The following INPP4B variants were observed in gnomAD, a reference collection of about 807,000 sequenced individuals.
The protein encoded by INPP4B is inositol polyphosphate-4-phosphatase type II B.
A neutral mutation model predicts 122.5 loss-of-function variants in INPP4B; 55 were observed. The observed-to-expected ratio is 0.45, with a 90% CI of 0.36 to 0.56. INPP4B has a LOEUF of 0.56. Ranked by LOEUF, INPP4B falls within the 20% of genes least tolerant of loss-of-function variation. INPP4B has a pLI of 0.00. For missense variants in INPP4B, 1,000 were observed against 1,097.7 expected (o/e 0.91, Z 1.26); for synonymous variants, 403 against 388.7 (o/e 1.04, Z -0.43).
intron 2 of INPP4B, among the ~76,000 whole-genome samples, chr4:142,470,535 C>T (rs1818621287): frequency 6.6e-6 from 1 of 152,170 alleles, no homozygotes; most frequent in Non-Finnish European, 1.5e-5. Flanking sequence ...GAGGCATTCT[C>T]ACCATATGTG....
intron 1 of INPP4B, among the ~76,000 whole-genome samples, chr4:142,836,534 C>T (rs76454822): frequency 1.3e-3 from 192 of 152,008 alleles, no homozygotes; most frequent in Non-Finnish European, 2.0e-3. Context: ...GTTGGAAAAA[C>T]GCTTAACTAT....
At chr4:142,175,823 T>C (rs1243224946) in intron 15 of INPP4B, among the ~76,000 whole-genome samples, 6 of 152,118 alleles carry the variant, frequency 3.9e-5, no homozygotes, top group Non-Finnish European at 8.8e-5. Context: ...CACATTATTT[T>C]TGTAAAGAAA....
intron 8 of INPP4B, 167 bp from the exon 9 acceptor site, chr4:142,305,704 T>A (rs531888273): frequency 6.9e-7 from 1 of 1,445,168 alleles, no homozygotes; most frequent in African/African-American, 1.4e-5. Flanking sequence ...ATCTACCTCA[T>A]GGGGTAGGAT....
At chr4:142,597,367 A>G (rs1226937711) in intron 2 of INPP4B, among the ~76,000 whole-genome samples, 3 of 152,308 alleles carry the variant, frequency 2.0e-5, no homozygotes, top group South Asian at 4.1e-4. Context: ...GGGGGTAGGG[A>G]TTAGGTGTTC....
At chr4:142,459,431 G>A (rs981774796) in intron 3 of INPP4B, among the ~76,000 whole-genome samples, 8 of 151,964 alleles carry the variant, frequency 5.3e-5, no homozygotes, top group Non-Finnish European at 1.0e-4. Context: ...AGGAAGAGGA[G>A]TAAGAGTGAA....
At chr4:142,609,376 G>A (rs1447952762) in intron 2 of INPP4B, among the ~76,000 whole-genome samples, 3 of 151,816 alleles carry the variant, frequency 2.0e-5, no homozygotes, top group East Asian at 1.9e-4. Flanking sequence ...AAAGAACAGA[G>A]GTTTTAAGTA....
chr4:142,075,493 G>A (rs1770136108), intron 25 of INPP4B, among the ~76,000 whole-genome samples: 1 of 151,918 alleles, frequency 6.6e-6, no homozygotes, highest in African/African-American at 2.4e-5. Flanking sequence ...TAGCCCACTA[G>A]CCCACTGTCA....
chr4:142,740,632 TA>T (rs138105529), intron 1 of INPP4B, among the ~76,000 whole-genome samples: 1,609 of 151,932 alleles, frequency 0.011, 35 homozygotes, highest in African/African-American at 0.037. Context: ...TTTAGTCTTG[TA>T]AAAGATGAGC....
chr4:142,630,117 C>T lies in INPP4B; in HGVS notation c.-191+95722G>A, dbSNP rs1747604890. ...GCCCAACGCGATCAGTAGTTCTGTT[C>T]CCGCCATGATGAAAAAGCTTGTCCA... On this transcript the variant is annotated intron_variant, in intron 2 of 25. Transcript: ENST00000262992. Among the ~76,000 whole-genome samples, 3 of 152,088 alleles carry T rather than the reference C, an allele frequency of 2.0e-5. No individual in the cohort carries two copies. In the South Asian group the frequency reaches 6.2e-4, roughly 32 times the overall value.
intron 2 of INPP4B, among the ~76,000 whole-genome samples, chr4:142,589,271 AGC>A (rs1736916816): frequency 1.3e-5 from 2 of 152,076 alleles, no homozygotes. Flanking sequence ...TAAAAGTTCA[AGC>A]TGTGAAATAA....
chr4:142,085,858 G>A (rs1776476233), intron 24 of INPP4B, among the ~76,000 whole-genome samples: 2 of 152,270 alleles, frequency 1.3e-5, no homozygotes, highest in East Asian at 1.9e-4. Context: ...GTTGCAATAC[G>A]CAACATCAAG....
intron 2 of INPP4B, among the ~76,000 whole-genome samples, chr4:142,707,593 G>C (rs556575014): frequency 2.0e-4 from 30 of 152,298 alleles, no homozygotes; most frequent in African/African-American, 7.2e-4. Flanking sequence ...TCCTGCTCTA[G>C]CCACATAACA....
At chr4:142,206,296 G>A (rs548438235) in intron 14 of INPP4B, among the ~76,000 whole-genome samples, 2 of 150,694 alleles carry the variant, frequency 1.3e-5, no homozygotes, top group African/African-American at 4.9e-5. Context: ...AATTTTGGGA[G>A]ACACATTCAG....
At chr4:142,810,454 T>C (rs1378179962) in intron 1 of INPP4B, among the ~76,000 whole-genome samples, 1 of 152,194 alleles carries the variant, frequency 6.6e-6, no homozygotes, top group Non-Finnish European at 1.5e-5. Context: ...GAACTACACC[T>C]TGATCCATCA....
At chr4:142,532,079 A>C (rs1039520933) in intron 2 of INPP4B, among the ~76,000 whole-genome samples, 1 of 152,132 alleles carries the variant, frequency 6.6e-6, no homozygotes, top group African/African-American at 2.4e-5. Context: ...ATTCACTTTT[A>C]TCCTGCTCTG....
At chr4:142,814,779 G>A (rs1475591103) in intron 1 of INPP4B, among the ~76,000 whole-genome samples, 2 of 152,118 alleles carry the variant, frequency 1.3e-5, no homozygotes, top group African/African-American at 2.4e-5. Flanking sequence ...ATTAAATATA[G>A]AAGAGACAAA....
intron 2 of INPP4B, among the ~76,000 whole-genome samples, chr4:142,539,032 C>T (rs2150022376): frequency 6.6e-6 from 1 of 150,944 alleles, no homozygotes; most frequent in Non-Finnish European, 1.5e-5. Flanking sequence ...TTGATCCTGG[C>T]CCTTTTCAGG....
intron 7 of INPP4B, among the ~76,000 whole-genome samples, chr4:142,351,768 G>A (rs1275615510): frequency 6.6e-6 from 1 of 151,912 alleles, no homozygotes; most frequent in African/African-American, 2.4e-5. Context: ...TCACATCAAG[G>A]CTCTTCAATT....
intron 2 of INPP4B, among the ~76,000 whole-genome samples, chr4:142,484,591 ACTT>A (rs1307530865): frequency 6.6e-6 from 1 of 152,062 alleles, no homozygotes; most frequent in African/African-American, 2.4e-5. Flanking sequence ...GAACACTTTT[ACTT>A]ATTATTATTT....
Sources: gnomAD v4.1 joint callset for allele counts (sites outside exome capture counted in the v4.1 genomes callset) on GRCh38, gnomAD v4.1.1 for gene constraint, MANE v1.5 for transcripts, NCBI Gene and HGNC (gene_info 2026-07-23, HGNC 2026-07-21) for gene names.